PRH1: variants seen among roughly 807,000 people sequenced by gnomAD.
PRH1 encodes the protein salivary acidic proline-rich phosphoprotein 1/2.
In PRH1, 7 loss-of-function variants were observed where a neutral mutation model predicts 7.9. The ratio of observed to expected loss-of-function variants is 0.89; its 90% CI spans 0.50 to 1.67. PRH1 has a LOEUF of 1.67. PRH1 is among the 40% of genes most tolerant of loss of function. The pLI is 0.00. For missense variants in PRH1, 109 were observed against 223.6 expected (o/e 0.49, Z 3.27); for synonymous variants, 45 against 80.8 (o/e 0.56, Z 2.38).
intron 1 of PRH1, among the ~76,000 whole-genome samples, chr12:10,981,456 C>T (rs1234321602): frequency 2.7e-5 from 4 of 150,172 alleles, no homozygotes; most frequent in African/African-American, 4.9e-5. Flanking sequence ...TCACTGCAAC[C>T]TCTGCCTCCC....
chr12:11,079,462 G>C lies in PRH1; in HGVS notation n.124-32274C>G, dbSNP rs1334069673. ...TCAGCCAAACTAGCTTCAAGATGCA[G>C]TACATGGCCCGTCTCCAGTCACCAG... On this transcript the variant is annotated intron_variant and non_coding_transcript_variant, in intron 1 of 4. Coordinates refer to the PRH1 transcript ENST00000541977. 2.5e-5 allele frequency among the ~76,000 whole-genome samples: 3 copies of C among 118,130 alleles called. No homozygotes were observed. In the South Asian group the frequency reaches 6.9e-4, roughly 27 times the overall value. The allele number at this position is 118,130 out of a possible 152,430, so 77.5% of individuals were successfully genotyped here.
At chr12:10,928,795 A>G (rs1028953387) in intron 2 of PRH1, among the ~76,000 whole-genome samples, 4 of 152,354 alleles carry the variant, frequency 2.6e-5, no homozygotes, top group African/African-American at 9.6e-5. Flanking sequence ...AGAGATGGAA[A>G]TAGGCTATCA....
At chr12:11,069,781 G>A (rs1377780979) in intron 1 of PRH1, among the ~76,000 whole-genome samples, 1 of 152,168 alleles carries the variant, frequency 6.6e-6, no homozygotes, top group African/African-American at 2.4e-5. Context: ...CCTTTGAAGT[G>A]GAAAATCAAG....
chr12:11,070,686 C>G (rs1351833288), intron 1 of PRH1, among the ~76,000 whole-genome samples: 3 of 152,194 alleles, frequency 2.0e-5, no homozygotes, highest in African/African-American at 4.8e-5. Flanking sequence ...GCTGCAGACT[C>G]GTATGAAATT....
intron 1 of PRH1, among the ~76,000 whole-genome samples, chr12:11,066,869 T>C (rs1398293315): frequency 2.5e-5 from 3 of 119,574 alleles, no homozygotes; most frequent in Non-Finnish European, 4.0e-5. Flanking sequence ...TTTTCAAGAA[T>C]TTCTTTGCTT....
At chr12:11,134,561 G>C (rs1220501853) in intron 1 of PRH1, 1 of 298,860 alleles carries the variant, frequency 3.3e-6, no homozygotes, top group Non-Finnish European at 6.2e-6. Context: ...ATTCTCATTT[G>C]CTAGTATGCA....
intron 1 of PRH1, among the ~76,000 whole-genome samples, chr12:11,002,620 A>G (rs1940648092): frequency 6.6e-6 from 1 of 152,104 alleles, no homozygotes; most frequent in Non-Finnish European, 1.5e-5. Flanking sequence ...ATTAGCAGGC[A>G]AAATTCTCTC....
chr12:10,979,947 T>C (rs1331163048), intron 1 of PRH1, among the ~76,000 whole-genome samples: 1 of 152,194 alleles, frequency 6.6e-6, no homozygotes, highest in African/African-American at 2.4e-5. Context: ...ATGAGTAATT[T>C]GGTTTAGACA....
intron 2 of PRH1, among the ~76,000 whole-genome samples, chr12:10,942,090 A>C (rs1416481923): frequency 6.6e-6 from 1 of 152,088 alleles, no homozygotes; most frequent in Non-Finnish European, 1.5e-5. Flanking sequence ...TGGTCTCTCA[A>C]CTGTGGATAC....
intron 1 of PRH1, chr12:11,061,366 T>TTC: frequency 6.8e-6 from 11 of 1,611,208 alleles, no homozygotes; most frequent in Non-Finnish European, 8.5e-6. Context: ...CTTGTGAATC[T>TTC]ATGAAGATGA....
chr12:11,124,482 G>A (rs558023680), intron 1 of PRH1, among the ~76,000 whole-genome samples: 1 of 152,204 alleles, frequency 6.6e-6, no homozygotes, highest in Non-Finnish European at 1.5e-5. Flanking sequence ...TTTTTATAGT[G>A]TTCCTTGGAT....
intron 1 of PRH1, among the ~76,000 whole-genome samples, chr12:11,087,186 T>G (rs377082102): frequency 0.011 from 909 of 80,102 alleles, 3 homozygotes; most frequent in Non-Finnish European, 0.017. Context: ...ACTGCAGCCT[T>G]GAACTCCTGG....
At chr12:11,091,125 T>C (rs372841181) in intron 1 of PRH1, among the ~76,000 whole-genome samples, 2,770 of 53,956 alleles carry the variant, frequency 0.051, 842 homozygotes, top group Middle Eastern at 0.11. Context: ...CATATATATA[T>C]ATATATATAT....
chr12:11,068,708 T>G (rs1016878834), intron 1 of PRH1, among the ~76,000 whole-genome samples: 1 of 152,206 alleles, frequency 6.6e-6, no homozygotes, highest in Non-Finnish European at 1.5e-5. Flanking sequence ...CAACCATAAT[T>G]CCATCTGTAT....
intron 1 of PRH1, among the ~76,000 whole-genome samples, chr12:11,076,147 A>G (rs1405703524): frequency 8.3e-6 from 1 of 121,104 alleles, no homozygotes; most frequent in African/African-American, 2.8e-5. Flanking sequence ...TTAAAATCTC[A>G]TAACACCAAG....
At chr12:11,154,913 A>AGTCCAGCAC (rs11274608) in intron 1 of PRH1, among the ~76,000 whole-genome samples, 10 of 151,444 alleles carry the variant, frequency 6.6e-5, no homozygotes, top group African/African-American at 2.2e-4. Context: ...CTTCCTGTTT[A>AGTCCAGCAC]GTCAAAGAGC....
intron 1 of PRH1, among the ~76,000 whole-genome samples, chr12:11,033,862 A>C (rs1393992792): frequency 3.9e-5 from 6 of 152,220 alleles, no homozygotes; most frequent in South Asian, 2.1e-4. Flanking sequence ...CAATACAAAA[A>C]TGGGAAATAC....
At chr12:11,059,001 A>T (rs1413396085) in intron 1 of PRH1, among the ~76,000 whole-genome samples, 2 of 152,190 alleles carry the variant, frequency 1.3e-5, no homozygotes, top group African/African-American at 4.8e-5. Flanking sequence ...ACTTGAATGG[A>T]ACACCACACT....
chr12:11,128,744 C>G (rs1946224053), intron 1 of PRH1, among the ~76,000 whole-genome samples: 1 of 150,368 alleles, frequency 6.7e-6, no homozygotes, highest in African/African-American at 2.4e-5. Context: ...GACTCCGTAT[C>G]AAAATAACAA....
Sources: allele counts gnomAD v4.1 joint callset (sites outside exome capture counted in the v4.1 genomes callset), GRCh38; gene constraint gnomAD v4.1.1; transcripts MANE v1.5; gene names NCBI Gene and HGNC (gene_info 2026-07-23, HGNC 2026-07-21).